LARGE1: variants seen among roughly 807,000 people sequenced by gnomAD.
LARGE1 encodes the protein LARGE xylosyl- and glucuronyltransferase 1.
A neutral mutation model predicts 87.6 loss-of-function variants in LARGE1; 43 were observed. That is an observed-to-expected ratio of 0.49 (90% CI 0.38 to 0.63). The LOEUF (loss-of-function observed/expected upper bound fraction) is 0.63, where lower values mean the gene tolerates loss of function less well. Ranked by LOEUF, LARGE1 falls within the 30% of genes least tolerant of loss-of-function variation. The pLI, the probability that LARGE1 is intolerant of heterozygous loss-of-function variation, is 0.00. For synonymous variants in LARGE1, 434 were observed against 394.6 expected (o/e 1.10, Z -1.18); for missense variants, 802 against 1,000.2 (o/e 0.80, Z 2.67).
chr22:33,117,137 C>CT, the LARGE1 span, among the ~76,000 whole-genome samples: 1 of 151,588 alleles, frequency 6.6e-6, no homozygotes, highest in Non-Finnish European at 1.5e-5. Context: ...CAGTGATTCT[C>CT]TGTCTATCAA....
intron 1 of LARGE1, among the ~76,000 whole-genome samples, chr22:33,787,701 C>T (rs5749661): frequency 0.2 from 30,836 of 152,064 alleles, 4,069 homozygotes; most frequent in East Asian, 0.39. Flanking sequence ...GAAAGTTACC[C>T]CCTCCCTTGA....
chr22:33,093,829 T>C, the LARGE1 span, among the ~76,000 whole-genome samples: 300 of 141,870 alleles, frequency 2.1e-3, no homozygotes, highest in African/African-American at 7.1e-3. Context: ...TTTCTTTTTT[T>C]TTTTTTTTTT....
At chr22:33,408,767 G>A (rs1022170342) in intron 7 of LARGE1, among the ~76,000 whole-genome samples, 2 of 126,508 alleles carry the variant, frequency 1.6e-5, no homozygotes, top group African/African-American at 8.9e-5. Flanking sequence ...TACAAAAATG[G>A]CCAGGGGGGG....
the LARGE1 span, among the ~76,000 whole-genome samples, chr22:33,107,715 A>C: frequency 6.6e-6 from 1 of 152,102 alleles, no homozygotes; most frequent in Non-Finnish European, 1.5e-5. Flanking sequence ...AAATGTTTTA[A>C]AAATGAGCTG....
the LARGE1 span, among the ~76,000 whole-genome samples, chr22:33,148,110 C>T: frequency 6.6e-6 from 1 of 152,148 alleles, no homozygotes; most frequent in African/African-American, 2.4e-5. Flanking sequence ...CTCTTTCTGA[C>T]ACCCACATGC....
intron 3 of LARGE1, among the ~76,000 whole-genome samples, chr22:33,630,888 T>C (rs1327927741): frequency 6.6e-6 from 1 of 152,030 alleles, no homozygotes; most frequent in Non-Finnish European, 1.5e-5. Context: ...AGTCTCACTC[T>C]GTTGCCCAGG....
chr22:33,081,703 G>C, the LARGE1 span, among the ~76,000 whole-genome samples: 1 of 152,138 alleles, frequency 6.6e-6, no homozygotes, highest in Non-Finnish European at 1.5e-5. Context: ...CAGAGGTTTT[G>C]TAGCCTTCTA....
At chr22:33,320,504 T>C (rs1436555945) in intron 10 of LARGE1, among the ~76,000 whole-genome samples, 1 of 152,196 alleles carries the variant, frequency 6.6e-6, no homozygotes, top group Non-Finnish European at 1.5e-5. Flanking sequence ...TGAAATTATT[T>C]AACGGCAACT....
At chr22:33,871,883 C>T (rs2064294839) in intron 1 of LARGE1, among the ~76,000 whole-genome samples, 1 of 149,218 alleles carries the variant, frequency 6.7e-6, no homozygotes, top group South Asian at 2.1e-4. Flanking sequence ...AGGTCAGAGG[C>T]TTGAAGAACT....
intron 9 of LARGE1, among the ~76,000 whole-genome samples, chr22:33,338,460 T>C (rs984920532): frequency 1.7e-4 from 26 of 152,216 alleles, no homozygotes; most frequent in African/African-American, 6.3e-4. Context: ...TTTTAATCAT[T>C]CCTACCTCCT....
intron 1 of LARGE1, among the ~76,000 whole-genome samples, chr22:33,834,521 T>C (rs542882420): frequency 1.3e-5 from 2 of 152,110 alleles, no homozygotes; most frequent in South Asian, 4.2e-4. Context: ...CCCCCTTTGA[T>C]TGTAATTTTC....
At chr22:33,249,296 A>C (rs1602146495) in intron 11 of LARGE1, among the ~76,000 whole-genome samples, 1 of 152,166 alleles carries the variant, frequency 6.6e-6, no homozygotes, top group Non-Finnish European at 1.5e-5. Context: ...ATGACATATG[A>C]TGTAGAGCAA....
chr22:33,437,241 G>A (rs555598197), intron 6 of LARGE1, among the ~76,000 whole-genome samples: 1 of 152,234 alleles, frequency 6.6e-6, no homozygotes, highest in South Asian at 2.1e-4. Flanking sequence ...AACTCACATG[G>A]TGTCTACATT....
chr22:33,099,966 A>G, the LARGE1 span, among the ~76,000 whole-genome samples: 1 of 152,228 alleles, frequency 6.6e-6, no homozygotes, highest in Admixed American at 6.5e-5. Flanking sequence ...TCACAGAGAA[A>G]TAAACACAGG....
chr22:33,820,033 T>C (rs1246249393), intron 1 of LARGE1, among the ~76,000 whole-genome samples: 2 of 152,160 alleles, frequency 1.3e-5, no homozygotes, highest in Non-Finnish European at 2.9e-5. Flanking sequence ...CCAGGGTCAC[T>C]GTGTGGAGCA....
chr22:33,748,479 G>A (rs967139276), intron 2 of LARGE1, among the ~76,000 whole-genome samples: 7 of 152,134 alleles, frequency 4.6e-5, no homozygotes, highest in Non-Finnish European at 8.8e-5. Flanking sequence ...ATCCAAAGCA[G>A]CTGCTGAGAC....
chr22:33,327,196 A>G (rs1348812635), intron 10 of LARGE1, among the ~76,000 whole-genome samples: 2 of 152,106 alleles, frequency 1.3e-5, no homozygotes, highest in Non-Finnish European at 2.9e-5. Flanking sequence ...GAATCTGTTT[A>G]TATGTGTCTT....
At chr22:33,307,756 T>C (rs1336391167) in intron 11 of LARGE1, among the ~76,000 whole-genome samples, 1 of 152,034 alleles carries the variant, frequency 6.6e-6, no homozygotes, top group Non-Finnish European at 1.5e-5. Flanking sequence ...ATGAATGAGA[T>C]TGGTGCCCTT....
chr22:33,176,957 C>G (rs2146152793), intron 11 of LARGE1, among the ~76,000 whole-genome samples: 1 of 152,272 alleles, frequency 6.6e-6, no homozygotes, highest in South Asian at 2.1e-4. Context: ...CACACATACA[C>G]CATGGAATAC....
Sources: allele counts gnomAD v4.1 joint callset (sites outside exome capture counted in the v4.1 genomes callset), GRCh38; gene constraint gnomAD v4.1.1; transcripts MANE v1.5; gene names NCBI Gene and HGNC (gene_info 2026-07-23, HGNC 2026-07-21).